The following S100PBP variants were observed in gnomAD, a reference collection of about 807,000 sequenced individuals.
S100PBP encodes S100P binding protein, also known as S100P-binding protein.
In S100PBP, 15 loss-of-function variants were observed where a neutral mutation model predicts 39.9. The ratio of observed to expected loss-of-function variants is 0.38; its 90% CI spans 0.25 to 0.58. S100PBP has a LOEUF of 0.58. Ranked by LOEUF, S100PBP falls within the 20% of genes least tolerant of loss-of-function variation. The pLI is 0.70. For synonymous variants in S100PBP, 178 were observed against 180.3 expected (o/e 0.99, Z 0.10); for missense variants, 504 against 487.3 (o/e 1.03, Z -0.32).
At chr1:32,851,242 C>T (rs1179499530) in intron 5 of S100PBP, among the ~76,000 whole-genome samples, 1 of 152,142 alleles carries the variant, frequency 6.6e-6, no homozygotes, top group East Asian at 1.9e-4. Flanking sequence ...ATTACTTTTA[C>T]TAGAACTTGA....
At chr1:32,854,721 C>T (rs954991405) in intron 6 of S100PBP, among the ~76,000 whole-genome samples, 6 of 152,212 alleles carry the variant, frequency 3.9e-5, no homozygotes, top group Non-Finnish European at 8.8e-5. Context: ...TTCCCATTCT[C>T]GTAATCCCCT....
chr1:32,830,902 C>T (rs1035958851), intron 5 of S100PBP, among the ~76,000 whole-genome samples: 1 of 151,856 alleles, frequency 6.6e-6, no homozygotes, highest in African/African-American at 2.4e-5. Flanking sequence ...AAAAATTAGC[C>T]GGATCATATT....
upstream of S100PBP, chr1:32,817,361 G>T (rs1638780969): frequency 1.5e-6 from 2 of 1,345,192 alleles, no homozygotes; most frequent in African/African-American, 1.4e-5. Flanking sequence ...CATCAGCTGG[G>T]CTCGGCGCTC....
intron 5 of S100PBP, among the ~76,000 whole-genome samples, chr1:32,839,600 G>A (rs1189914021): frequency 1.3e-5 from 2 of 151,632 alleles, no homozygotes; most frequent in African/African-American, 4.8e-5. Flanking sequence ...CAACCGTAGT[G>A]CAGTACAGCC....
chr1:32,847,138 G>T (rs1046438168), intron 5 of S100PBP, among the ~76,000 whole-genome samples: 2 of 152,038 alleles, frequency 1.3e-5, no homozygotes, highest in African/African-American at 4.8e-5. Flanking sequence ...CCTTTTATAT[G>T]CACTCACATA....
At chr1:32,836,281 C>T (rs1261986403) in intron 5 of S100PBP, 2 of 152,140 alleles carry the variant, frequency 1.3e-5, no homozygotes, top group East Asian at 3.9e-4. Context: ...TACAGGCGCA[C>T]TCCACCACGT....
At chr1:32,842,069 G>A (rs546790679) in intron 5 of S100PBP, among the ~76,000 whole-genome samples, 75 of 150,108 alleles carry the variant, frequency 5.0e-4, no homozygotes, top group African/African-American at 1.7e-3. Context: ...TACACCTGTA[G>A]TCCTTGCTAC....
intron 5 of S100PBP, among the ~76,000 whole-genome samples, chr1:32,838,350 A>G (rs952962922): frequency 5.0e-4 from 75 of 150,532 alleles, no homozygotes; most frequent in Non-Finnish European, 9.4e-4. Flanking sequence ...AAAAAAAAAA[A>G]AAAGAAAAGA....
rs1211609635 is a variant in S100PBP, at chr1:32,856,308, GGTAGCTGCCTCCTGAAA to G, written c.*272_*288del. 5.0e-6 allele frequency: 1 copy of G among 199,034 alleles called. No homozygotes were observed. Among genetic ancestry groups the G allele is most frequent in the Non-Finnish European group, 1.0e-5 (1 of 96,216 alleles). The allele number at this position is 199,034 out of a possible 1,614,324, so 12.3% of individuals were successfully genotyped here. ...TTTTGTTTTTTTAATTTAAATTGAA[GGTAGCTGCCTCCTGAAA>G]GCCAGCATTAAGCCAGAACACCCAG... On this transcript the variant is annotated 3_prime_UTR_variant, in exon 7 of 7. Coordinates refer to ENST00000373475, the MANE Select transcript of S100PBP (RefSeq NM_022753.4).
chr1:32,839,302 C>G (rs951846878), intron 5 of S100PBP, among the ~76,000 whole-genome samples: 4 of 152,320 alleles, frequency 2.6e-5, no homozygotes, highest in African/African-American at 4.8e-5. Context: ...TTTGTTGTTG[C>G]ATGTGTCAGA....
chr1:32,817,338 T>C (rs1385475602), upstream of S100PBP: 21 of 1,526,508 alleles, frequency 1.4e-5, no homozygotes, highest in Non-Finnish European at 1.7e-5. Context: ...GTCACGCGAG[T>C]CCAGCCAGGT....
chr1:32,842,236 T>TATATATATATATACAC (rs372174677), intron 5 of S100PBP, among the ~76,000 whole-genome samples: 8 of 80,854 alleles, frequency 9.9e-5, no homozygotes, highest in Admixed American at 1.6e-4. Flanking sequence ...TATATATATA[T>TATATATATATATACAC]ACACACACAC....
intron 5 of S100PBP, among the ~76,000 whole-genome samples, chr1:32,841,175 TAA>T (rs1420146740): frequency 6.7e-6 from 1 of 148,152 alleles, no homozygotes; most frequent in Non-Finnish European, 1.5e-5. Flanking sequence ...AAAAAAAAAA[TAA>T]AAAAAATTGG....
upstream of S100PBP, chr1:32,817,523 C>T: frequency 1.7e-6 from 1 of 589,304 alleles, no homozygotes; most frequent in Non-Finnish European, 3.0e-6. Context: ...GGGGCACAAC[C>T]CTCCTAGAGG....
At chr1:32,825,728 T>C (rs1474155849) in intron 2 of S100PBP, among the ~76,000 whole-genome samples, 1 of 152,190 alleles carries the variant, frequency 6.6e-6, no homozygotes, top group Non-Finnish European at 1.5e-5. Flanking sequence ...TGAACATCCA[T>C]GTATATATAT....
At chr1:32,827,785 T>G (rs750291672) in intron 3 of S100PBP, among the ~76,000 whole-genome samples, 94,444 of 127,820 alleles carry the variant, frequency 0.74, 34,869 homozygotes, top group East Asian at 0.91. Flanking sequence ...CTGGCCAGGT[T>G]TTTTTTTTTT....
rs1038916991 is a variant in S100PBP at position 32,857,758 on chromosome 1, T to C, written c.*1720T>C. The C allele has an allele frequency of 6.6e-6, 1 of 152,250 alleles. No homozygotes were observed. The highest frequency in any genetic ancestry group is 1.5e-5 in the Non-Finnish European group (1 of 68,036). 9.4% of individuals were successfully genotyped at this position (152,250 alleles called of 1,614,324 possible). A position where few individuals can be genotyped will look rare whatever the true frequency, so the allele number is the denominator to read the frequency against. ...TGTGATTTCATCAATCCCATCTTTC[T>C]GTGTGAGTAATGCATTCTAAACATC... On this transcript the variant is annotated 3_prime_UTR_variant, in exon 7 of 7. Transcript: ENST00000373475.
In S100PBP at chr1:32,826,243, T is replaced by C. The variant is rs142245176; in HGVS notation, c.144T>C (p.Asp48=). Residue 48 remains aspartate, a synonymous_variant, in exon 3 of 7, where the codon GAT becomes GAC. Coordinates refer to ENST00000373475, the MANE Select transcript of S100PBP (RefSeq NM_022753.4). ...AGCTGTCAGAGGGAGAAGAAGATGATGGTGATGTAAATTACACAGAGGAAG... is the reference window on the plus strand; with the variant it reads ...AGCTGTCAGAGGGAGAAGAAGATGACGGTGATGTAAATTACACAGAGGAAG... The part of the protein sequence containing the change: ...LLELSEGEED[D]GDVNYTEEEI... 1.2e-6 allele frequency: 2 copies of C among 1,614,042 alleles called. No individual in the cohort carries two copies. The highest frequency in any genetic ancestry group is 1.3e-5 in the African/African-American group (1 of 74,922).
At chr1:32,846,037 T>G (rs1280188366) in intron 5 of S100PBP, among the ~76,000 whole-genome samples, 3 of 151,842 alleles carry the variant, frequency 2.0e-5, no homozygotes, top group Non-Finnish European at 4.4e-5. Flanking sequence ...TCACCCAGGC[T>G]GGAGTGCAAT....
Sources: allele counts gnomAD v4.1 joint callset (sites outside exome capture counted in the v4.1 genomes callset), GRCh38; gene constraint gnomAD v4.1.1; transcripts MANE v1.5; gene names NCBI Gene and HGNC (gene_info 2026-07-23, HGNC 2026-07-21).